BBS9: variants seen among roughly 807,000 people sequenced by gnomAD.
The protein encoded by BBS9 is protein PTHB1.
In BBS9, 89 loss-of-function variants were observed where a neutral mutation model predicts 117.7. The observed-to-expected ratio is 0.76, with a 90% CI of 0.64 to 0.90. The LOEUF is 0.90. Among genes scored for constraint, BBS9 ranks in the 40% least tolerant of loss-of-function variants. BBS9 has a pLI of 0.00. For synonymous variants in BBS9, 379 were observed against 370.9 expected (o/e 1.02, Z -0.25); for missense variants, 982 against 1,042.2 (o/e 0.94, Z 0.80).
intron 5 of BBS9, among the ~76,000 whole-genome samples, chr7:33,179,315 G>C (rs1797770501): frequency 6.6e-6 from 1 of 152,206 alleles, no homozygotes; most frequent in Admixed American, 6.5e-5. Flanking sequence ...CCAAGCTACA[G>C]ATGTGTAGTG....
At chr7:33,263,814 C>G (rs1798355308) in intron 6 of BBS9, among the ~76,000 whole-genome samples, 1 of 151,984 alleles carries the variant, frequency 6.6e-6, no homozygotes, top group Non-Finnish European at 1.5e-5. Flanking sequence ...GATGGGGAAG[C>G]CAGACACAGA....
intron 5 of BBS9, among the ~76,000 whole-genome samples, chr7:33,210,203 A>T (rs1239350359): frequency 6.6e-6 from 1 of 152,222 alleles, no homozygotes. Context: ...TATAGTTTCC[A>T]AAATTCATCT....
chr7:33,175,349 A>G (rs1342960550), intron 4 of BBS9, among the ~76,000 whole-genome samples: 2 of 152,082 alleles, frequency 1.3e-5, no homozygotes, highest in Non-Finnish European at 2.9e-5. Flanking sequence ...TTAATTAACC[A>G]TTTGTGGGGA....
In BBS9 at chr7:33,357,976, T is replaced by C. The variant is rs1819943776; in HGVS notation, c.1674T>C (p.Ser558=). 2 of 1,612,376 alleles carry C rather than the reference T, an allele frequency of 1.2e-6. No individual in the cohort carries two copies. Among genetic ancestry groups the C allele is most frequent in the Non-Finnish European group, 1.7e-6 (2 of 1,178,834 alleles). ...TTGATACCAACAAATCTCCAGTCAG[T>C]CTTCTTAGTCTCTTCCCAGGTAAGA... The part of the protein sequence containing the change: ...ITIDTNKSPV[S]LLSLFPGFAS... Residue 558 remains serine, a synonymous_variant, in exon 16 of 23, where the codon AGT becomes AGC. Coordinates refer to ENST00000242067, the MANE Select transcript of BBS9 (RefSeq NM_198428.3).
chr7:33,374,141 A>T (rs928343635), intron 17 of BBS9, among the ~76,000 whole-genome samples: 1 of 152,198 alleles, frequency 6.6e-6, no homozygotes, highest in African/African-American at 2.4e-5. Flanking sequence ...TAGTGCTGTT[A>T]TATCCCAAAG....
intron 21 of BBS9, among the ~76,000 whole-genome samples, chr7:33,578,545 C>T (rs1437145271): frequency 1.3e-5 from 2 of 152,180 alleles, no homozygotes; most frequent in Non-Finnish European, 2.9e-5. Context: ...TGGTGGAGAA[C>T]TCTGCTAAAT....
intron 19 of BBS9, among the ~76,000 whole-genome samples, chr7:33,479,928 G>A (rs1391398846): frequency 6.6e-6 from 1 of 151,814 alleles, no homozygotes; most frequent in Non-Finnish European, 1.5e-5. Context: ...TTTGTTTTTT[G>A]CTTGTTGATT....
At chr7:33,132,196 G>A (rs1026050780) in intron 1 of BBS9, among the ~76,000 whole-genome samples, 1 of 152,214 alleles carries the variant, frequency 6.6e-6, no homozygotes, top group Non-Finnish European at 1.5e-5. Flanking sequence ...ATGGAGGGGC[G>A]TGTGCATAGG....
chr7:33,142,781 T>A (rs1405806624), intron 1 of BBS9, among the ~76,000 whole-genome samples: 1 of 152,214 alleles, frequency 6.6e-6, no homozygotes. Flanking sequence ...TGCATAATAT[T>A]CCATTGTATG....
chr7:33,267,376 T>A (rs975257202), intron 7 of BBS9, among the ~76,000 whole-genome samples: 1 of 152,156 alleles, frequency 6.6e-6, no homozygotes, highest in African/African-American at 2.4e-5. Context: ...TGATATATAC[T>A]CTGCCATTTA....
intron 9 of BBS9, among the ~76,000 whole-genome samples, chr7:33,304,226 T>G (rs949307442): frequency 7.1e-6 from 1 of 140,092 alleles, no homozygotes; most frequent in Non-Finnish European, 1.5e-5. Context: ...GGAGCGCCTC[T>G]GCCCGGCCAC....
chr7:33,474,612 G>A (rs532931256), intron 19 of BBS9, among the ~76,000 whole-genome samples: 1 of 152,246 alleles, frequency 6.6e-6, no homozygotes, highest in Admixed American at 6.5e-5. Flanking sequence ...GGAAAAAGGA[G>A]TACATCTCTT....
chr7:33,142,897 ATCTC>A (rs1791724264), intron 1 of BBS9, among the ~76,000 whole-genome samples: 1 of 152,082 alleles, frequency 6.6e-6, no homozygotes, highest in Non-Finnish European at 1.5e-5. Context: ...GTGTAAAAAT[ATCTC>A]TCTGAGATTG....
chr7:33,220,574 G>T (rs1207639077), intron 5 of BBS9, among the ~76,000 whole-genome samples: 1 of 152,208 alleles, frequency 6.6e-6, no homozygotes, highest in African/African-American at 2.4e-5. Context: ...AAGCAGTTTT[G>T]AGCACGCTTA....
chr7:33,551,005 G>A (rs1190832236), intron 21 of BBS9, among the ~76,000 whole-genome samples: 1 of 151,966 alleles, frequency 6.6e-6, no homozygotes, highest in African/African-American at 2.4e-5. Context: ...AGTGTCATGT[G>A]GAAAATGTTA....
chr7:33,529,962 G>A (rs1281359923), intron 20 of BBS9, among the ~76,000 whole-genome samples: 1 of 152,114 alleles, frequency 6.6e-6, no homozygotes, highest in African/African-American at 2.4e-5. Flanking sequence ...ATGAATAAAG[G>A]TAATGAGCTC....
intron 19 of BBS9, among the ~76,000 whole-genome samples, chr7:33,469,732 AAAAGAGGAGAAC>A (rs1414068132): frequency 1.3e-5 from 2 of 152,154 alleles, no homozygotes; most frequent in African/African-American, 2.4e-5. Context: ...AGCTGTTAAA[AAAAGAGGAGAAC>A]AAAGAAAAGA....
chr7:33,545,152 T>C (rs577611907), intron 21 of BBS9, among the ~76,000 whole-genome samples: 26 of 152,318 alleles, frequency 1.7e-4, no homozygotes, highest in African/African-American at 5.8e-4. Context: ...GCTTTAGTTC[T>C]TCCTCTGCCT....
chr7:33,477,184 T>G (rs1289799453), intron 19 of BBS9, among the ~76,000 whole-genome samples: 2 of 152,188 alleles, frequency 1.3e-5, no homozygotes, highest in African/African-American at 4.8e-5. Context: ...AAGGGAATAA[T>G]ACACTAAATG....
Sources: gnomAD v4.1 joint callset for allele counts (sites outside exome capture counted in the v4.1 genomes callset) on GRCh38, gnomAD v4.1.1 for gene constraint, MANE v1.5 for transcripts, NCBI Gene and HGNC (gene_info 2026-07-23, HGNC 2026-07-21) for gene names.